Variants in ZNF678 observed in about 807,000 individuals in gnomAD.
ZNF678 encodes the protein zinc finger protein 678.
Under a neutral mutation model 3.0 loss-of-function variants are expected in ZNF678, and 5 were observed. That is an observed-to-expected ratio of 1.69 (90% CI 0.88 to 3.56). The LOEUF (loss-of-function observed/expected upper bound fraction) is 3.56. Ranked by LOEUF, ZNF678 falls within the 30% of genes most tolerant of loss-of-function variation. ZNF678 has a pLI of 0.00. For synonymous variants in ZNF678, 218 were observed against 199.6 expected, an observed-to-expected ratio of 1.09 and a Z score of -0.78; for missense variants, 593 against 605.0, an observed-to-expected ratio of 0.98 and a Z score of 0.21.
intron 1 of ZNF678, among the ~76,000 whole-genome samples, chr1:227,565,582 A>G (rs1221972737): frequency 6.6e-6 from 1 of 151,290 alleles, no homozygotes; most frequent in African/African-American, 2.4e-5. Flanking sequence ...ATGTTTGTGG[A>G]ACTCTTTAAA....
rs762471358 is a variant in ZNF678 at position 227,655,646 on chromosome 1, T to C, written c.1396T>C (p.Cys466Arg). ...AGAGAAACCCTACAAATGTGAAGAA[T>C]GTGGCAAAGCCTTTAACCAGTTCTC... is the stretch of plus-strand genomic sequence containing the variant. ...TEEKPYKCEECGKAFNQFSSL... is the reference protein window; with the variant it reads ...TEEKPYKCEERGKAFNQFSSL... The change falls in exon 4 of 4, where the codon TGT becomes CGT. Residue 466 changes from cysteine to arginine, a missense_variant. Cys to Arg is a radical substitution (Grantham distance 180, BLOSUM62 -3). Transcript: ENST00000343776. 2.5e-6 allele frequency: 4 copies of C among 1,612,796 alleles called. No individual in the cohort carries two copies. The highest frequency in any genetic ancestry group is 2.2e-5 in the East Asian group (1 of 44,818).
downstream of ZNF678, among the ~76,000 whole-genome samples, chr1:227,663,786 T>A (rs1659455912): frequency 6.6e-6 from 1 of 152,156 alleles, no homozygotes; most frequent in Non-Finnish European, 1.5e-5. Context: ...TGAGTTACCC[T>A]AGTGGAAAAG....
intron 1 of ZNF678, among the ~76,000 whole-genome samples, chr1:227,604,941 C>T (rs1417034581): frequency 4.6e-5 from 7 of 152,008 alleles, no homozygotes; most frequent in Non-Finnish European, 7.4e-5. Flanking sequence ...CTGCAAGCTC[C>T]GCCTCCCAGG....
intron 5 of ZNF678, among the ~76,000 whole-genome samples, chr1:227,670,743 G>A (rs182494589): frequency 6.6e-6 from 1 of 152,156 alleles, no homozygotes; most frequent in African/African-American, 2.4e-5. Context: ...TTTCTATCCA[G>A]CTCTGTGAAG....
chr1:227,618,915 G>A (rs756719288), intron 1 of ZNF678, among the ~76,000 whole-genome samples: 1 of 152,110 alleles, frequency 6.6e-6, no homozygotes, highest in Non-Finnish European at 1.5e-5. Flanking sequence ...ACTTTCCCAT[G>A]GCTGGGGGGG....
At chr1:227,637,096 G>A (rs1658697944) in intron 1 of ZNF678, among the ~76,000 whole-genome samples, 1 of 152,118 alleles carries the variant, frequency 6.6e-6, no homozygotes, top group East Asian at 1.9e-4. Context: ...CCTTGATGTA[G>A]GAAGGAGCTG....
chr1:227,670,722 C>T (rs1475720402), intron 5 of ZNF678, among the ~76,000 whole-genome samples: 1 of 152,202 alleles, frequency 6.6e-6, no homozygotes, highest in Non-Finnish European at 1.5e-5. Context: ...GCACACCCCT[C>T]ACCTAGAACT....
At chr1:227,568,086 C>G (rs902819841) in intron 1 of ZNF678, among the ~76,000 whole-genome samples, 7 of 152,122 alleles carry the variant, frequency 4.6e-5, no homozygotes, top group Non-Finnish European at 1.5e-5. Context: ...TTTGTTGGCT[C>G]AGGCTGAGTG....
At position 227,654,645 on chromosome 1, in the gene ZNF678, A is replaced by G. The variant is rs776327843; in HGVS notation, c.395A>G (p.Lys132Arg). Reference protein sequence around the residue: ...EKPYKCEECGKVFNRCSNLTK... With the variant: ...EKPYKCEECGRVFNRCSNLTK... ...CCATACAAATGTGAAGAATGTGGCA[A>G]AGTTTTCAATCGATGTTCAAACCTA... Residue 132 changes from lysine to arginine, a missense_variant, in exon 4 of 4, where the codon AAA becomes AGA. Lys to Arg is a conservative substitution (Grantham distance 26). Transcript: ENST00000343776. 7 of 1,613,202 alleles carry G rather than the reference A, an allele frequency of 4.3e-6. No homozygotes were observed. Among genetic ancestry groups the G allele is most frequent in the South Asian group, 1.1e-5 (1 of 91,056 alleles).
intron 1 of ZNF678, among the ~76,000 whole-genome samples, chr1:227,613,230 A>G (rs933639934): frequency 1.3e-5 from 2 of 151,918 alleles, no homozygotes; most frequent in East Asian, 1.9e-4. Context: ...CCACCTTTCA[A>G]CTTTTCTGCA....
chr1:227,654,855 T>G lies in ZNF678; in HGVS notation c.605T>G (p.Ile202Ser). Reference sequence around the variant, plus strand: ...TCACAACTAACTAGCCATAAGAAAATTCATAGTGGAGAGAAACCATACCCA... The same window carrying G: ...TCACAACTAACTAGCCATAAGAAAAGTCATAGTGGAGAGAAACCATACCCA... ...WWSQLTSHKKIHSGEKPYPCE... is the reference protein window; with the variant it reads ...WWSQLTSHKKSHSGEKPYPCE... Residue 202 changes from isoleucine to serine, a missense_variant, in exon 4 of 4, where the codon ATT becomes AGT. Physicochemically the swap from Ile to Ser is moderately radical, Grantham distance 142. Coordinates refer to ENST00000343776, the MANE Select transcript of ZNF678 (RefSeq NM_001367909.1). 3 of 1,608,700 alleles carry G rather than the reference T, an allele frequency of 1.9e-6. No homozygotes were observed. The highest frequency in any genetic ancestry group is 2.5e-6 in the Non-Finnish European group (3 of 1,179,072).
At chr1:227,648,914 C>T (rs1229790038) in intron 2 of ZNF678, among the ~76,000 whole-genome samples, 1 of 152,264 alleles carries the variant, frequency 6.6e-6, no homozygotes, top group East Asian at 1.9e-4. Flanking sequence ...CTCTCTGCTT[C>T]TGTGAGTTTC....
chr1:227,568,225 G>A (rs1230293933), intron 1 of ZNF678, among the ~76,000 whole-genome samples: 1 of 152,138 alleles, frequency 6.6e-6, no homozygotes, highest in Admixed American at 6.5e-5. Context: ...CTACTGCTCA[G>A]GGTCATCACC....
intron 1 of ZNF678, among the ~76,000 whole-genome samples, chr1:227,625,358 G>C (rs2102774599): frequency 6.6e-6 from 1 of 152,188 alleles, no homozygotes; most frequent in East Asian, 1.9e-4. Context: ...CTGAATTGGG[G>C]CCTGGTAGGG....
intron 1 of ZNF678, among the ~76,000 whole-genome samples, chr1:227,594,541 T>G (rs1285733181): frequency 6.6e-6 from 1 of 152,238 alleles, no homozygotes. Context: ...AATTAACATT[T>G]TAAAACTTGA....
At chr1:227,601,453 T>C (rs565029163) in intron 1 of ZNF678, among the ~76,000 whole-genome samples, 1 of 152,172 alleles carries the variant, frequency 6.6e-6, no homozygotes, top group South Asian at 2.1e-4. Flanking sequence ...TTTGACCTTC[T>C]TGGTTAGCTG....
chr1:227,597,026 A>T (rs1475158644), intron 1 of ZNF678, among the ~76,000 whole-genome samples: 1 of 152,210 alleles, frequency 6.6e-6, no homozygotes, highest in African/African-American at 2.4e-5. Flanking sequence ...TTTAGACATA[A>T]TTAAGATATA....
intron 1 of ZNF678, among the ~76,000 whole-genome samples, chr1:227,576,600 G>A (rs577062605): frequency 7.2e-5 from 11 of 151,962 alleles, no homozygotes; most frequent in African/African-American, 2.4e-4. Context: ...CCCCCTTGTC[G>A]TTTTCTATTA....
In ZNF678 at chr1:227,659,604, T is replaced by G. The variant is rs1315352949; in HGVS notation, c.*3776T>G. ...TGGTAAATATCAGAGTTTCTATGCT[T>G]ATGGCTGATAAGTAGACATTTTTAA... On this transcript the variant is annotated 3_prime_UTR_variant, in exon 4 of 4. Coordinates refer to ENST00000343776, the MANE Select transcript of ZNF678 (RefSeq NM_001367909.1). The G allele has an allele frequency of 6.6e-6, 1 of 151,906 alleles. No individual in the cohort carries two copies. The highest frequency in any genetic ancestry group is 1.5e-5 in the Non-Finnish European group (1 of 68,014). The allele number at this position is 151,906 out of a possible 1,614,324, so 9.4% of individuals were successfully genotyped here. A position where few individuals can be genotyped will look rare whatever the true frequency, so the allele number is the denominator to read the frequency against.
Sources: gnomAD v4.1 joint callset for allele counts (sites outside exome capture counted in the v4.1 genomes callset) on GRCh38, gnomAD v4.1.1 for gene constraint, MANE v1.5 for transcripts, NCBI Gene and HGNC (gene_info 2026-07-23, HGNC 2026-07-21) for gene names.